DOCK1: variants seen among roughly 807,000 people sequenced by gnomAD.
DOCK1 encodes dedicator of cytokinesis 1, also known as dedicator of cytokinesis protein 1.
Under a neutral mutation model 262.7 loss-of-function variants are expected in DOCK1, and 138 were observed. That is an observed-to-expected ratio of 0.53 (90% confidence interval 0.46 to 0.61). DOCK1 has a LOEUF of 0.61. Ranked by LOEUF, DOCK1 falls within the 20% of genes least tolerant of loss-of-function variation. DOCK1 has a pLI of 0.00. For missense variants in DOCK1, 1,908 were observed against 2,370.7 expected (o/e 0.80, Z 4.05); for synonymous variants, 866 against 867.4 (o/e 1.00, Z 0.03).
At chr10:127,160,337 A>G (rs572509391) in intron 27 of DOCK1, among the ~76,000 whole-genome samples, 1 of 152,286 alleles carries the variant, frequency 6.6e-6, no homozygotes, top group East Asian at 1.9e-4. Context: ...TGTTTCCTTC[A>G]TAAGATCTTA....
At chr10:126,986,897 G>A (rs1408256732) in intron 4 of DOCK1, among the ~76,000 whole-genome samples, 2 of 152,142 alleles carry the variant, frequency 1.3e-5, no homozygotes, top group African/African-American at 2.4e-5. Flanking sequence ...GTGACAGAGC[G>A]AGACACCGTT....
chr10:127,257,503 C>T, intron 29 of DOCK1, 74 bp downstream of exon 29: 1 of 1,370,900 alleles, frequency 7.3e-7, no homozygotes, highest in Non-Finnish European at 1.0e-6. Flanking sequence ...GTGGTGTTGC[C>T]TGGAGACCAA....
At chr10:126,944,080 A>T (rs2035213207) in intron 1 of DOCK1, among the ~76,000 whole-genome samples, 1 of 131,788 alleles carries the variant, frequency 7.6e-6, no homozygotes, top group Non-Finnish European at 1.6e-5. Context: ...ATGGGGAGGC[A>T]TGGCAGCCGT....
At chr10:127,014,556 A>G (rs572643242) in intron 12 of DOCK1, among the ~76,000 whole-genome samples, 3 of 152,196 alleles carry the variant, frequency 2.0e-5, no homozygotes, top group Non-Finnish European at 2.9e-5. Context: ...TCATGTCTCA[A>G]CCTTTGACCT....
intron 23 of DOCK1, among the ~76,000 whole-genome samples, chr10:127,102,298 A>G (rs1318484167): frequency 3.3e-5 from 5 of 152,212 alleles, no homozygotes; most frequent in Non-Finnish European, 7.3e-5. Context: ...AGGGGATAGT[A>G]ATAGGCCTCC....
At chr10:126,906,166 G>C (rs1318495269) in intron 1 of DOCK1, among the ~76,000 whole-genome samples, 1 of 152,188 alleles carries the variant, frequency 6.6e-6, no homozygotes, top group Non-Finnish European at 1.5e-5. Flanking sequence ...GCGGCCGAGC[G>C]CCCCAGTGGC....
At chr10:127,407,728 G>A (rs1424538559) in intron 40 of DOCK1, among the ~76,000 whole-genome samples, 1 of 152,122 alleles carries the variant, frequency 6.6e-6, no homozygotes, top group Non-Finnish European at 1.5e-5. Flanking sequence ...ATGGGGCAGG[G>A]CTGCAGCTGA....
At chr10:127,451,271 C>A in intron 51 of DOCK1, 61 bp from the exon 52 acceptor site, 1 of 1,531,720 alleles carries the variant, frequency 6.5e-7, no homozygotes, top group Non-Finnish European at 8.8e-7. Context: ...CACCTGGAGA[C>A]GGTGTCTTTT....
chr10:127,337,980 C>T (rs977776976), intron 29 of DOCK1, among the ~76,000 whole-genome samples: 1 of 152,194 alleles, frequency 6.6e-6, no homozygotes, highest in African/African-American at 2.4e-5. Flanking sequence ...CTCCCTGGCT[C>T]ACTGCCTTTT....
chr10:127,045,225 A>T (rs2044270354), intron 21 of DOCK1, among the ~76,000 whole-genome samples: 1 of 148,832 alleles, frequency 6.7e-6, no homozygotes, highest in Non-Finnish European at 1.5e-5. Context: ...AAAAAAAAAA[A>T]GGATCCTGTC....
At chr10:127,372,303 G>A (rs1405979133) in intron 33 of DOCK1, among the ~76,000 whole-genome samples, 11 of 152,104 alleles carry the variant, frequency 7.2e-5, no homozygotes, top group Non-Finnish European at 1.3e-4. Flanking sequence ...TGCTTCTCAG[G>A]GGTCCACAGT....
chr10:127,266,672 G>T (rs1303638191), intron 29 of DOCK1, among the ~76,000 whole-genome samples: 1 of 152,164 alleles, frequency 6.6e-6, no homozygotes, highest in Non-Finnish European at 1.5e-5. Flanking sequence ...CTCACGATGA[G>T]ATGTGCATGG....
At chr10:126,998,991 T>C (rs539485287) in intron 8 of DOCK1, among the ~76,000 whole-genome samples, 1 of 152,340 alleles carries the variant, frequency 6.6e-6, no homozygotes, top group South Asian at 2.1e-4. Context: ...ATGCAGTTTT[T>C]ATTTTACAAT....
chr10:127,396,934 CTA>C (rs1172411304), intron 38 of DOCK1, among the ~76,000 whole-genome samples: 6 of 150,674 alleles, frequency 4.0e-5, no homozygotes, highest in African/African-American at 4.9e-5. Context: ...GCAGCGACTC[CTA>C]TGTGATCTGA....
chr10:127,161,103 C>CT (rs2053555726), intron 27 of DOCK1, among the ~76,000 whole-genome samples: 1 of 152,178 alleles, frequency 6.6e-6, no homozygotes, highest in Non-Finnish European at 1.5e-5. Context: ...GTTTCTGAAT[C>CT]TAAGGTCTCA....
chr10:127,322,216 G>GTCT (rs2062565033), intron 29 of DOCK1, among the ~76,000 whole-genome samples: 1 of 146,352 alleles, frequency 6.8e-6, no homozygotes, highest in Admixed American at 6.8e-5. Flanking sequence ...TGGAGACAGA[G>GTCT]TCTTACTCTG....
intron 24 of DOCK1, 95 bp from the exon 25 acceptor site, chr10:127,110,150 TTAA>T: frequency 2.1e-6 from 2 of 947,098 alleles, no homozygotes; most frequent in Middle Eastern, 2.1e-4. Context: ...ACTGGTGACA[TTAA>T]TGACCATGTG....
rs145105544 is a variant in DOCK1 at position 126,911,940 on chromosome 10, A to G, written c.46+6377A>G. The stretch of plus-strand genomic sequence containing the variant: ...TGTGTTAGTTGACTGGAGCTACCAT[A>G]ACAAAGGACCACAAGACAGGGTGGC... On this transcript the variant is annotated intron_variant, in intron 1 of 51. Coordinates refer to ENST00000623213, the MANE Select transcript of DOCK1 (RefSeq NM_001290223.2). Among the ~76,000 whole-genome samples the G allele has an allele frequency of 5.6e-3, 854 of 152,314 alleles. 5 individuals are homozygous for G. The highest frequency in any genetic ancestry group is 7.5e-3 in the Non-Finnish European group (511 of 68,026).
chr10:127,136,141 G>A (rs1027035066), intron 27 of DOCK1: 3 of 152,160 alleles, frequency 2.0e-5, no homozygotes, highest in African/African-American at 7.2e-5. Context: ...GCATACAACT[G>A]CAGTGTTGTT....
Sources: allele counts gnomAD v4.1 joint callset (sites outside exome capture counted in the v4.1 genomes callset), GRCh38; gene constraint gnomAD v4.1.1; transcripts MANE v1.5; gene names NCBI Gene and HGNC (gene_info 2026-07-23, HGNC 2026-07-21).